SH3RF1: variants seen among roughly 807,000 people sequenced by gnomAD.
SH3RF1 encodes the protein SH3 domain containing ring finger 1.
SH3RF1 carries 32 observed loss-of-function variants against 74.0 expected under a neutral mutation model. The observed-to-expected ratio is 0.43, with a 90% CI of 0.33 to 0.58. SH3RF1 has a LOEUF of 0.58. SH3RF1 is among the 20% of genes least tolerant of loss of function. The probability of loss-of-function intolerance (pLI) is 0.05; values close to 1 mark genes in which losing one functional copy is unlikely to be tolerated. For synonymous variants in SH3RF1, 396 were observed against 439.6 expected, an observed-to-expected ratio of 0.90 and a Z score of 1.24; for missense variants, 954 against 1,130.9, an observed-to-expected ratio of 0.84 and a Z score of 2.24.
chr4:169,135,293 G>A (rs899147444), intron 5 of SH3RF1, among the ~76,000 whole-genome samples: 1 of 152,156 alleles, frequency 6.6e-6, no homozygotes, highest in East Asian at 1.9e-4. Context: ...TAAACTTTTT[G>A]AGGACCAGGA....
chr4:169,239,290 A>C (rs1429065615), intron 2 of SH3RF1, among the ~76,000 whole-genome samples: 1 of 152,206 alleles, frequency 6.6e-6, no homozygotes, highest in Non-Finnish European at 1.5e-5. Flanking sequence ...CTATTAAAAC[A>C]TGAAAGAAAC....
chr4:169,143,559 A>G (rs1199586407), intron 4 of SH3RF1, among the ~76,000 whole-genome samples: 3 of 152,200 alleles, frequency 2.0e-5, no homozygotes, highest in Admixed American at 2.0e-4. Context: ...AGAGAAAAGA[A>G]GACTGAAATG....
chr4:169,254,543 GA>G (rs1731153722), intron 2 of SH3RF1, among the ~76,000 whole-genome samples: 1 of 152,148 alleles, frequency 6.6e-6, no homozygotes, highest in South Asian at 2.1e-4. Context: ...AAAGATTACA[GA>G]AACAAGTTTA....
At chr4:169,186,460 T>G (rs1003397097) in intron 2 of SH3RF1, among the ~76,000 whole-genome samples, 4 of 152,076 alleles carry the variant, frequency 2.6e-5, no homozygotes, top group Non-Finnish European at 5.9e-5. Context: ...ATCCCCTATT[T>G]TCTTTCTGAT....
chr4:169,205,487 CA>C (rs1376985891), intron 2 of SH3RF1, among the ~76,000 whole-genome samples: 1 of 152,090 alleles, frequency 6.6e-6, no homozygotes, highest in African/African-American at 2.4e-5. Context: ...ATCAAATCAC[CA>C]AAAACTGCAG....
chr4:169,128,354 A>G (rs1733559631), intron 6 of SH3RF1, among the ~76,000 whole-genome samples: 1 of 152,204 alleles, frequency 6.6e-6, no homozygotes, highest in Non-Finnish European at 1.5e-5. Context: ...CCCCAGATGA[A>G]TCCAGGCATC....
At chr4:169,256,297 G>A (rs990803905) in intron 2 of SH3RF1, among the ~76,000 whole-genome samples, 2 of 151,894 alleles carry the variant, frequency 1.3e-5, no homozygotes, top group South Asian at 2.1e-4. Flanking sequence ...AAGAAAGGGA[G>A]GAAGGGAAGG....
intron 5 of SH3RF1, among the ~76,000 whole-genome samples, chr4:169,133,614 C>T (rs1034471520): frequency 1.3e-5 from 2 of 148,366 alleles, no homozygotes; most frequent in African/African-American, 5.0e-5. Flanking sequence ...CCCATCTCTA[C>T]TAAAAATATA....
At chr4:169,262,180 A>C (rs374988981) in intron 2 of SH3RF1, among the ~76,000 whole-genome samples, 1 of 152,216 alleles carries the variant, frequency 6.6e-6, no homozygotes, top group East Asian at 1.9e-4. Flanking sequence ...CAAATCATTG[A>C]ATCTCCAGAG....
At chr4:169,225,757 G>A (rs1465637156) in intron 2 of SH3RF1, among the ~76,000 whole-genome samples, 5 of 152,194 alleles carry the variant, frequency 3.3e-5, no homozygotes, top group Admixed American at 6.5e-5. Context: ...GTTGAGGGTA[G>A]GTTGGGTGAG....
At chr4:169,184,171 C>A (rs537529558) in intron 2 of SH3RF1, among the ~76,000 whole-genome samples, 1 of 152,316 alleles carries the variant, frequency 6.6e-6, no homozygotes, top group South Asian at 2.1e-4. Context: ...GAACCGACAT[C>A]CCCTACTTCT....
At chr4:169,187,973 A>T (rs1278338312) in intron 2 of SH3RF1, among the ~76,000 whole-genome samples, 1 of 152,326 alleles carries the variant, frequency 6.6e-6, no homozygotes, top group East Asian at 1.9e-4. Context: ...GAGACATCAG[A>T]GTGAAGAAGG....
At chr4:169,174,641 C>T (rs1265438618) in intron 2 of SH3RF1, among the ~76,000 whole-genome samples, 1 of 152,122 alleles carries the variant, frequency 6.6e-6, no homozygotes, top group Admixed American at 6.5e-5. Flanking sequence ...AAGATGATCT[C>T]ATCTATTTCC....
At chr4:169,105,722 G>A (rs1733121792) in intron 11 of SH3RF1, among the ~76,000 whole-genome samples, 1 of 152,134 alleles carries the variant, frequency 6.6e-6, no homozygotes, top group South Asian at 2.1e-4. Context: ...GGGAGACCCC[G>A]TCTTTACAAA....
intron 10 of SH3RF1, among the ~76,000 whole-genome samples, chr4:169,113,311 A>G (rs756486935): frequency 5.9e-5 from 9 of 152,096 alleles, no homozygotes; most frequent in Non-Finnish European, 8.8e-5. Context: ...GGGTTTCACT[A>G]TGTTGGCCAG....
chr4:169,168,425 A>G (rs1177759384), intron 2 of SH3RF1, among the ~76,000 whole-genome samples: 2 of 152,236 alleles, frequency 1.3e-5, no homozygotes, highest in East Asian at 3.8e-4. Flanking sequence ...TGGCATATTC[A>G]GTAGAGAGAG....
At chr4:169,245,840 T>G (rs1458685871) in intron 2 of SH3RF1, among the ~76,000 whole-genome samples, 2 of 152,000 alleles carry the variant, frequency 1.3e-5, no homozygotes, top group Non-Finnish European at 2.9e-5. Flanking sequence ...AACAGGGGAG[T>G]ATCCGTACAA....
chr4:169,266,305 T>A (rs576621513), intron 2 of SH3RF1, among the ~76,000 whole-genome samples: 1 of 152,304 alleles, frequency 6.6e-6, no homozygotes, highest in African/African-American at 2.4e-5. Flanking sequence ...TTCCACGTTA[T>A]CACTTTCAGC....
intron 2 of SH3RF1, among the ~76,000 whole-genome samples, chr4:169,245,433 C>T (rs1730979269): frequency 1.3e-5 from 2 of 152,238 alleles, no homozygotes; most frequent in South Asian, 4.1e-4. Context: ...TTTCAATTAT[C>T]CATCTAAATT....
Sources: allele counts gnomAD v4.1 joint callset (sites outside exome capture counted in the v4.1 genomes callset), GRCh38; gene constraint gnomAD v4.1.1; transcripts MANE v1.5; gene names NCBI Gene and HGNC (gene_info 2026-07-23, HGNC 2026-07-21).